Variants in PCDHA5 observed in about 807,000 individuals in gnomAD.
The protein encoded by PCDHA5 is protocadherin alpha-5.
A neutral mutation model predicts 61.6 loss-of-function variants in PCDHA5; 43 were observed. The ratio of observed to expected loss-of-function variants is 0.70; its 90% CI spans 0.55 to 0.90. The LOEUF (loss-of-function observed/expected upper bound fraction) is 0.90, where lower values mean the gene tolerates loss of function less well. PCDHA5 is among the 40% of genes least tolerant of loss of function. PCDHA5 has a pLI of 0.00. For synonymous variants in PCDHA5, 627 were observed against 543.9 expected (o/e 1.15, Z -2.13); for missense variants, 1,298 against 1,222.7 (o/e 1.06, Z -0.92).
At chr5:140,927,970 G>C in intron 1 of PCDHA5, 2 of 1,614,216 alleles carry the variant, frequency 1.2e-6, no homozygotes, top group Non-Finnish European at 1.7e-6. Context: ...CACAGTGATT[G>C]CTCTCTTTAG....
chr5:140,877,521 AG>A, intron 1 of PCDHA5: 1 of 1,613,770 alleles, frequency 6.2e-7, no homozygotes, highest in African/African-American at 1.3e-5. Context: ...CGCGGGCCTC[AG>A]TGGGCGCTGT....
chr5:140,999,332 T>TTATAA (rs1554256746), intron 3 of PCDHA5, among the ~76,000 whole-genome samples: 1 of 152,222 alleles, frequency 6.6e-6, no homozygotes, highest in Non-Finnish European at 1.5e-5. Flanking sequence ...TCTGTGTGAT[T>TTATAA]TATAAGCCTT....
At chr5:140,892,827 A>G (rs1304427197) in intron 1 of PCDHA5, among the ~76,000 whole-genome samples, 3 of 152,188 alleles carry the variant, frequency 2.0e-5, no homozygotes, top group African/African-American at 7.2e-5. Context: ...ACAGTGCTAC[A>G]GTGCTGCAAA....
chr5:140,859,508 T>G (rs1298997050), intron 1 of PCDHA5: 1 of 197,594 alleles, frequency 5.1e-6, no homozygotes, highest in Non-Finnish European at 1.0e-5. Context: ...CTGATACCCA[T>G]GATTTCATTT....
chr5:140,835,862 G>C (rs1275632045), intron 1 of PCDHA5: 3 of 1,611,998 alleles, frequency 1.9e-6, no homozygotes, highest in East Asian at 4.5e-5. Context: ...TGTCCTACTC[G>C]CTGGTGGAGC....
intron 1 of PCDHA5, among the ~76,000 whole-genome samples, chr5:140,970,092 A>C (rs1554232243): frequency 6.6e-6 from 1 of 151,978 alleles, no homozygotes; most frequent in East Asian, 1.9e-4. Context: ...GTGTGGGGGG[A>C]TGGTGAAGAC....
rs1238840347 is a variant in PCDHA5 at position 140,858,526 on chromosome 5, AT to A, written c.2352+34404del. On this transcript the variant is annotated intron_variant, in intron 1 of 3. Coordinates refer to ENST00000529859, the MANE Select transcript of PCDHA5 (RefSeq NM_018908.3). ...TCTCAAATATGTATCAGAATATTTC[AT>A]TTTTGTCTACATTCCATTTATGCTT... 6.2e-5 allele frequency: 87 copies of A among 1,407,632 alleles called. 5 individuals carry two copies. The highest frequency in any genetic ancestry group is 8.4e-5 in the Non-Finnish European group (85 of 1,016,948). The allele number at this position is 1,407,632 out of a possible 1,614,324, so 87.2% of individuals were successfully genotyped here.
At chr5:140,915,694 G>A (rs2077262169) in intron 1 of PCDHA5, among the ~76,000 whole-genome samples, 1 of 151,538 alleles carries the variant, frequency 6.6e-6, no homozygotes, top group African/African-American at 2.4e-5. Flanking sequence ...GTATGGTGAT[G>A]CAAGCACTCC....
intron 1 of PCDHA5, chr5:140,929,402 A>G: frequency 7.3e-6 from 11 of 1,507,926 alleles, no homozygotes; most frequent in Non-Finnish European, 9.7e-6. Context: ...TTTCTTAGAC[A>G]AGCCTTTCAC....
chr5:140,917,154 T>C (rs1415714785), intron 1 of PCDHA5, among the ~76,000 whole-genome samples: 2 of 152,112 alleles, frequency 1.3e-5, no homozygotes, highest in East Asian at 1.9e-4. Flanking sequence ...TGCTGGGGGA[T>C]ATGGGAGGGG....
intron 1 of PCDHA5, chr5:140,842,695 C>A (rs1554139285): frequency 6.3e-7 from 1 of 1,595,194 alleles, no homozygotes. Context: ...TCGCGCAGCC[C>A]GAGTACACGG....
intron 1 of PCDHA5, chr5:140,835,267 T>A (rs2150232922): frequency 8.1e-5 from 130 of 1,609,952 alleles, no homozygotes; most frequent in Non-Finnish European, 1.1e-4. Flanking sequence ...AAGTTCCACA[T>A]GGACCCCTTA....
At chr5:140,842,617 G>A (rs2150340722) in intron 1 of PCDHA5, 15 of 1,572,174 alleles carry the variant, frequency 9.5e-6, no homozygotes, top group South Asian at 7.8e-5. Context: ...ACGGGGGCTC[G>A]CCTTCGCTGT....
At chr5:140,989,174 G>T (rs1305141291) in intron 3 of PCDHA5, among the ~76,000 whole-genome samples, 3 of 152,132 alleles carry the variant, frequency 2.0e-5, no homozygotes, top group Non-Finnish European at 4.4e-5. Flanking sequence ...TAAAACAGGA[G>T]AGTTTCTGAA....
At chr5:140,976,298 C>A (rs2096709941) in intron 1 of PCDHA5, among the ~76,000 whole-genome samples, 1 of 152,036 alleles carries the variant, frequency 6.6e-6, no homozygotes, top group African/African-American at 2.4e-5. Context: ...AGCCTGTAAT[C>A]CCAGCACTTT....
At chr5:140,922,373 C>A (rs1337198160) in intron 1 of PCDHA5, among the ~76,000 whole-genome samples, 1 of 152,158 alleles carries the variant, frequency 6.6e-6, no homozygotes, top group African/African-American at 2.4e-5. Context: ...CACTGAGATG[C>A]AAAACCAAAG....
chr5:140,897,947 T>G (rs1276045551), intron 1 of PCDHA5, among the ~76,000 whole-genome samples: 14 of 152,168 alleles, frequency 9.2e-5, no homozygotes, highest in African/African-American at 3.4e-4. Context: ...CAGTGATGAT[T>G]AGCATTTTTT....
chr5:140,847,219 G>A (rs2150398133), intron 1 of PCDHA5, among the ~76,000 whole-genome samples: 4 of 149,610 alleles, frequency 2.7e-5, no homozygotes, highest in African/African-American at 9.8e-5. Context: ...GAATTAATTG[G>A]GAGCTATTTA....
In PCDHA5 at chr5:140,842,663, G is replaced by A. The variant is rs2150341486; in HGVS notation, c.2352+18536G>A. The A allele has an allele frequency of 3.4e-5, 54 of 1,595,410 alleles. 5 individuals are homozygous for A. Among genetic ancestry groups the A allele is most frequent in the South Asian group, 1.5e-4 (14 of 90,476 alleles). ...CAGCTTGTCTGTGGAGGTGGCCGAC[G>A]TGAACGACAATGCTCCGGCGTTCGC... On this transcript the variant is annotated intron_variant, in intron 1 of 3. Transcript: ENST00000529859.
Sources: allele counts gnomAD v4.1 joint callset (sites outside exome capture counted in the v4.1 genomes callset), GRCh38; gene constraint gnomAD v4.1.1; transcripts MANE v1.5; gene names NCBI Gene and HGNC (gene_info 2026-07-23, HGNC 2026-07-21).